UBR3: variants seen among roughly 807,000 people sequenced by gnomAD.
The protein encoded by UBR3 is ubiquitin protein ligase E3 component n-recognin 3.
UBR3 carries 85 observed loss-of-function variants against 243.2 expected under a neutral mutation model. That is an observed-to-expected ratio of 0.35 (90% confidence interval 0.29 to 0.42). UBR3 has a LOEUF of 0.42. Ranked by LOEUF, UBR3 falls within the 10% of genes least tolerant of loss-of-function variation. UBR3 has a pLI of 1.00. For synonymous variants in UBR3, 748 were observed against 799.8 expected, an observed-to-expected ratio of 0.94 and a Z score of 1.09; for missense variants, 1,686 against 2,300.8, an observed-to-expected ratio of 0.73 and a Z score of 5.47.
intron 1 of UBR3, among the ~76,000 whole-genome samples, chr2:169,846,764 A>C (rs951623947): frequency 1.3e-4 from 20 of 151,818 alleles, no homozygotes; most frequent in African/African-American, 3.9e-4. Context: ...ACAGCATCTC[A>C]CCCTGTCATT....
rs1454499039 is a variant in UBR3 at position 169,924,073 on chromosome 2, G to A, written c.1933-11G>A. 3.3e-6 allele frequency: 5 copies of A among 1,523,726 alleles called. No individual in the cohort carries two copies. The African/African-American group carries it at 7.1e-5, about 22-fold the overall frequency. The allele number at this position is 1,523,726 out of a possible 1,614,324, so 94.4% of individuals were successfully genotyped here. A position where few individuals can be genotyped will look rare whatever the true frequency, so the allele number is the denominator to read the frequency against. ...GAATTGAATTAGTAACTTTTTTATT[G>A]TAATTTTTAGGCTGTGAAATGTCAA... On this transcript the variant is annotated splice_polypyrimidine_tract_variant and intron_variant, in intron 12 of 38. Coordinates refer to ENST00000272793, the MANE Select transcript of UBR3 (RefSeq NM_172070.4).
chr2:169,925,526 T>G, intron 13 of UBR3, 93 bp from the exon 14 acceptor site: 1 of 1,182,326 alleles, frequency 8.5e-7, no homozygotes, highest in Non-Finnish European at 1.2e-6. Flanking sequence ...TATACTATGA[T>G]CACATCATTA....
intron 27 of UBR3, 64 bp from the exon 28 acceptor site, chr2:170,006,926 G>T: frequency 1.5e-6 from 2 of 1,320,132 alleles, no homozygotes; most frequent in South Asian, 1.3e-5. Flanking sequence ...TAAAATGGGT[G>T]GTATAATTTT....
intron 1 of UBR3, among the ~76,000 whole-genome samples, chr2:169,871,820 A>C (rs966634992): frequency 6.6e-6 from 1 of 151,532 alleles, no homozygotes; most frequent in Non-Finnish European, 1.5e-5. Context: ...AATAAACTTC[A>C]AGGTTTTGTA....
At chr2:169,832,218 G>T (rs2081962396) in intron 1 of UBR3, among the ~76,000 whole-genome samples, 1 of 152,208 alleles carries the variant, frequency 6.6e-6, no homozygotes, top group Admixed American at 6.5e-5. Context: ...GGATTCATTT[G>T]TGGGATGAAA....
chr2:169,986,242 C>T (rs2088997079), intron 24 of UBR3, among the ~76,000 whole-genome samples: 1 of 151,994 alleles, frequency 6.6e-6, no homozygotes, highest in Non-Finnish European at 1.5e-5. Flanking sequence ...CCATATTTTC[C>T]CAAGAGCTGT....
rs1559129703 is a variant in UBR3 at position 169,954,228 on chromosome 2, C to CTTG, written c.3545+4164_3545+4165insTGT. On this transcript the variant is annotated intron_variant, in intron 23 of 38. Coordinates refer to ENST00000272793, the MANE Select transcript of UBR3 (RefSeq NM_172070.4). ...GTCTTGTCTTGTCTTGTCTTGTCTT[C>CTTG]TCTTCTTAATTCATTTCTTTTCTTT... Among the ~76,000 whole-genome samples the CTTG allele has an allele frequency of 2.1e-3, 231 of 110,364 alleles. 1 individual carries two copies. Among genetic ancestry groups the CTTG allele is most frequent in the African/African-American group, 9.2e-3 (207 of 22,490 alleles). The allele number at this position is 110,364 out of a possible 152,430, so 72.4% of individuals were successfully genotyped here. A position where few individuals can be genotyped will look rare whatever the true frequency, so the allele number is the denominator to read the frequency against.
At chr2:170,024,216 T>C (rs915168446) in intron 30 of UBR3, among the ~76,000 whole-genome samples, 6 of 151,334 alleles carry the variant, frequency 4.0e-5, no homozygotes, top group Admixed American at 1.3e-4. Flanking sequence ...TAGCCTGGTG[T>C]GGTGGTGGGA....
chr2:169,958,835 C>T (rs1415605869), intron 24 of UBR3, among the ~76,000 whole-genome samples: 1 of 152,106 alleles, frequency 6.6e-6, no homozygotes, highest in Non-Finnish European at 1.5e-5. Context: ...TTGTCTTGAT[C>T]TTTTTCTGTG....
intron 35 of UBR3, among the ~76,000 whole-genome samples, chr2:170,069,991 A>G (rs1446632114): frequency 6.6e-6 from 1 of 152,044 alleles, no homozygotes; most frequent in Non-Finnish European, 1.5e-5. Flanking sequence ...TTTGTATTTT[A>G]TTGTTATTTT....
intron 4 of UBR3, 135 bp from the exon 5 acceptor site, chr2:169,878,390 C>T (rs2083697436): frequency 3.8e-6 from 3 of 792,854 alleles, no homozygotes. Context: ...TGGACTTTGC[C>T]AAGATAACTG....
intron 11 of UBR3, among the ~76,000 whole-genome samples, chr2:169,919,801 C>T (rs994460790): frequency 3.3e-5 from 5 of 151,230 alleles, no homozygotes; most frequent in African/African-American, 1.2e-4. Flanking sequence ...ATTAAAAAGT[C>T]AGGAAACAAC....
At chr2:169,975,487 T>C (rs1355553355) in intron 24 of UBR3, among the ~76,000 whole-genome samples, 1 of 152,230 alleles carries the variant, frequency 6.6e-6, no homozygotes, top group African/African-American at 2.4e-5. Flanking sequence ...AAGTGCAGTT[T>C]AAATTCAGTG....
intron 35 of UBR3, among the ~76,000 whole-genome samples, chr2:170,066,918 C>T (rs1486038075): frequency 3.3e-5 from 5 of 151,246 alleles, no homozygotes; most frequent in African/African-American, 4.8e-5. Flanking sequence ...GAGCCGAGAT[C>T]GCGCCACCGC....
chr2:170,059,583 TATTG>T (rs1574464768), intron 33 of UBR3, among the ~76,000 whole-genome samples: 1 of 152,220 alleles, frequency 6.6e-6, no homozygotes, highest in East Asian at 1.9e-4. Context: ...TTTAGCGAGA[TATTG>T]ATTCTTGTGA....
At chr2:169,899,714 T>A (rs536261878) in intron 8 of UBR3, among the ~76,000 whole-genome samples, 7 of 152,244 alleles carry the variant, frequency 4.6e-5, no homozygotes, top group Admixed American at 1.3e-4. Context: ...TGTGTTCTCA[T>A]TGTTCAACTC....
At chr2:169,935,215 G>T (rs1398462813) in intron 19 of UBR3, among the ~76,000 whole-genome samples, 2 of 152,168 alleles carry the variant, frequency 1.3e-5, no homozygotes, top group Non-Finnish European at 2.9e-5. Context: ...ACCCAGGCTG[G>T]AGTGCAGTGG....
chr2:169,946,448 A>G, intron 21 of UBR3, 56 bp downstream of exon 21: 1 of 964,470 alleles, frequency 1.0e-6, no homozygotes, highest in South Asian at 1.9e-5. Flanking sequence ...TCTGGCTCCA[A>G]CCAATTGTTG....
At chr2:170,006,265 G>A (rs1304717052) in intron 27 of UBR3, among the ~76,000 whole-genome samples, 2 of 152,154 alleles carry the variant, frequency 1.3e-5, no homozygotes, top group Non-Finnish European at 2.9e-5. Context: ...AGTACCTTAA[G>A]AAGGAAAAAT....
Sources: allele counts gnomAD v4.1 joint callset (sites outside exome capture counted in the v4.1 genomes callset), GRCh38; gene constraint gnomAD v4.1.1; transcripts MANE v1.5; gene names NCBI Gene and HGNC (gene_info 2026-07-23, HGNC 2026-07-21).